SMIM14: variants seen among roughly 807,000 people sequenced by gnomAD.
The protein encoded by SMIM14 is small integral membrane protein 14, also known as chromosome 4 open reading frame 34.
A neutral mutation model predicts 12.6 loss-of-function variants in SMIM14; 5 were observed. The ratio of observed to expected loss-of-function variants is 0.40; its 90% CI spans 0.21 to 0.83. The LOEUF is 0.83. Ranked by LOEUF, SMIM14 falls within the 40% of genes least tolerant of loss-of-function variation. The pLI is 0.37. For synonymous variants in SMIM14, 30 were observed against 40.1 expected (o/e 0.75, Z 0.95); for missense variants, 86 against 119.1 (o/e 0.72, Z 1.29).
intron 1 of SMIM14, among the ~76,000 whole-genome samples, chr4:39,635,456 A>G (rs1300095862): frequency 6.6e-6 from 1 of 152,214 alleles, no homozygotes; most frequent in Non-Finnish European, 1.5e-5. Context: ...AGGGAAATGC[A>G]TAATAAAAAG....
At chr4:39,568,545 TAAAA>T (rs34191471) in intron 3 of SMIM14, among the ~76,000 whole-genome samples, 18,687 of 151,988 alleles carry the variant, frequency 0.12, 2,620 homozygotes, top group African/African-American at 0.35. Flanking sequence ...GCAACCAATT[TAAAA>T]AAGTCAGAAG....
intron 2 of SMIM14, among the ~76,000 whole-genome samples, chr4:39,574,284 C>T (rs998769364): frequency 1.5e-4 from 22 of 144,768 alleles, no homozygotes; most frequent in Non-Finnish European, 2.8e-4. Flanking sequence ...GACGGAGTCT[C>T]GCTCTGTCGC....
chr4:39,584,524 A>T (rs892117268), intron 2 of SMIM14, among the ~76,000 whole-genome samples: 1 of 146,646 alleles, frequency 6.8e-6, no homozygotes, highest in African/African-American at 2.5e-5. Context: ...GGCTGGGCGC[A>T]GTGGCTCATG....
chr4:39,634,623 G>A lies in SMIM14; in HGVS notation c.-36+4116C>T, dbSNP rs976828731. On this transcript the variant is annotated intron_variant, in intron 1 of 4. Coordinates refer to ENST00000295958, the MANE Select transcript of SMIM14 (RefSeq NM_174921.3). ...CTACTATAAAGAAGCAATCTTCCAA[G>A]GAAAAGCCACTAAAACATTGAGAGA... 5.9e-5 allele frequency among the ~76,000 whole-genome samples: 9 copies of A among 152,210 alleles called. No homozygotes were observed. The South Asian group carries it at 6.2e-4, about 11-fold the overall frequency.
chr4:39,560,256 T>C (rs1159319050), intron 3 of SMIM14, among the ~76,000 whole-genome samples: 6 of 150,628 alleles, frequency 4.0e-5, no homozygotes, highest in Non-Finnish European at 7.4e-5. Flanking sequence ...TTTTCTTTTT[T>C]TTTTTTTTTT....
At chr4:39,634,653 CAA>C (rs1354791490) in intron 1 of SMIM14, among the ~76,000 whole-genome samples, 3 of 152,160 alleles carry the variant, frequency 2.0e-5, no homozygotes, top group Non-Finnish European at 4.4e-5. Context: ...GAGAGATTCT[CAA>C]AGTTTGATAT....
intron 2 of SMIM14, among the ~76,000 whole-genome samples, chr4:39,600,803 G>A (rs1334124251): frequency 6.6e-6 from 1 of 152,088 alleles, no homozygotes; most frequent in Non-Finnish European, 1.5e-5. Context: ...CCCGGGAGGC[G>A]GACGTTGCAG....
At chr4:39,612,546 C>T (rs28591648) in intron 1 of SMIM14, among the ~76,000 whole-genome samples, 46 of 152,190 alleles carry the variant, frequency 3.0e-4, no homozygotes, top group Non-Finnish European at 5.1e-4. Flanking sequence ...TGACGTGTAT[C>T]CCCCCAGGCC....
intron 3 of SMIM14, 78 bp downstream of exon 3, chr4:39,572,337 T>G: frequency 1.7e-6 from 1 of 575,862 alleles, no homozygotes; most frequent in Non-Finnish European, 2.8e-6. Flanking sequence ...AAGAATAAAT[T>G]CTGACAAATA....
chr4:39,636,493 T>C (rs796663857), intron 1 of SMIM14, among the ~76,000 whole-genome samples: 24 of 152,296 alleles, frequency 1.6e-4, no homozygotes, highest in African/African-American at 5.5e-4. Flanking sequence ...TTAATAATTA[T>C]GGTTTGCCAA....
At chr4:39,627,980 A>G (rs1169653774) in intron 1 of SMIM14, among the ~76,000 whole-genome samples, 1 of 152,230 alleles carries the variant, frequency 6.6e-6, no homozygotes, top group African/African-American at 2.4e-5. Context: ...ACATGTCATC[A>G]GGACCTCCTG....
intron 2 of SMIM14, among the ~76,000 whole-genome samples, chr4:39,581,507 C>CTT: frequency 7.0e-6 from 1 of 142,916 alleles, no homozygotes; most frequent in East Asian, 2.2e-4. Flanking sequence ...CGTTTTTTTC[C>CTT]TTTTCTTTTT....
intron 2 of SMIM14, among the ~76,000 whole-genome samples, chr4:39,600,231 C>A (rs1490530342): frequency 6.6e-6 from 1 of 152,006 alleles, no homozygotes; most frequent in Non-Finnish European, 1.5e-5. Context: ...ATGTGAGCTA[C>A]AAAATACACT....
At chr4:39,609,518 G>A (rs1385111775) in intron 1 of SMIM14, among the ~76,000 whole-genome samples, 2 of 152,116 alleles carry the variant, frequency 1.3e-5, no homozygotes, top group Admixed American at 6.6e-5. Context: ...TAGACACAAA[G>A]GGAAAAGAAG....
intron 2 of SMIM14, chr4:39,593,305 C>T (rs1714195135): frequency 6.6e-6 from 1 of 152,154 alleles, no homozygotes; most frequent in South Asian, 2.1e-4. Flanking sequence ...ACAAAAACCA[C>T]ATGATTATCT....
chr4:39,596,609 C>G (rs1714375114), intron 2 of SMIM14, among the ~76,000 whole-genome samples: 1 of 152,148 alleles, frequency 6.6e-6, no homozygotes, highest in Non-Finnish European at 1.5e-5. Flanking sequence ...ACTAGGCCCC[C>G]TTCAAACCCT....
chr4:39,561,234 T>A (rs1019956803), intron 3 of SMIM14, among the ~76,000 whole-genome samples: 1 of 152,214 alleles, frequency 6.6e-6, no homozygotes, highest in African/African-American at 2.4e-5. Context: ...CAGCACTGAA[T>A]AAGTTTCAGA....
intron 3 of SMIM14, among the ~76,000 whole-genome samples, chr4:39,557,788 G>A (rs1712094887): frequency 6.6e-6 from 1 of 152,050 alleles, no homozygotes; most frequent in Admixed American, 6.6e-5. Flanking sequence ...CCTTTGGGGG[G>A]AAAAATCTGC....
chr4:39,638,643 G>T lies in SMIM14; in HGVS notation c.-36+96C>A, dbSNP rs939337848. 2.0e-5 allele frequency: 19 copies of T among 973,006 alleles called. 1 individual carries two copies. Among genetic ancestry groups the T allele is most frequent in the Middle Eastern group, 1.0e-3 (2 of 1,908 alleles). 60.3% of individuals were successfully genotyped at this position (973,006 alleles called of 1,614,324 possible). On this transcript the variant is annotated intron_variant, in intron 1 of 4. Coordinates refer to ENST00000295958, the MANE Select transcript of SMIM14 (RefSeq NM_174921.3). The stretch of plus-strand genomic sequence containing the variant: ...GAAACAGCCCTGTTCTGCCGCAGCC[G>T]CCGCAGTCCCCGAGAGCCTGAGGAG...
Sources: allele counts gnomAD v4.1 joint callset (sites outside exome capture counted in the v4.1 genomes callset), GRCh38; gene constraint gnomAD v4.1.1; transcripts MANE v1.5; gene names NCBI Gene and HGNC (gene_info 2026-07-23, HGNC 2026-07-21).